The following MAPT variants were observed in gnomAD, a reference collection of about 807,000 sequenced individuals.
MAPT encodes microtubule-associated protein tau.
MAPT carries 34 observed loss-of-function variants against 67.9 expected under a neutral mutation model. The observed-to-expected ratio is 0.50, with a 90% confidence interval of 0.38 to 0.67. The LOEUF is 0.67. Ranked by LOEUF, MAPT falls within the 30% of genes least tolerant of loss-of-function variation. MAPT has a pLI of 0.00. For missense variants in MAPT, 881 were observed against 1,115.2 expected, an observed-to-expected ratio of 0.79 and a Z score of 2.99; for synonymous variants, 456 against 464.5, an observed-to-expected ratio of 0.98 and a Z score of 0.23.
chr17:45,957,856 GA>G (rs67811127), intron 1 of MAPT, among the ~76,000 whole-genome samples: 2,213 of 146,402 alleles, frequency 0.015, 44 homozygotes, highest in African/African-American at 0.048. Context: ...GAATTTGCAG[GA>G]AAAAAAAAAA....
At chr17:45,949,671 G>A (rs2068861880) in intron 1 of MAPT, among the ~76,000 whole-genome samples, 1 of 152,126 alleles carries the variant, frequency 6.6e-6, no homozygotes, top group South Asian at 2.1e-4. Flanking sequence ...GGCTCATCCT[G>A]AGGGCTGAAA....
At chr17:45,941,673 C>CCCTTCCCT (rs1568207337) in intron 1 of MAPT, among the ~76,000 whole-genome samples, 1 of 28,502 alleles carries the variant, frequency 3.5e-5, no homozygotes, top group Non-Finnish European at 7.7e-5. Context: ...CCCCCTTCCC[C>CCCTTCCCT]CCTTCCCTCC....
chr17:45,990,872 C>T (rs62063795), intron 7 of MAPT, among the ~76,000 whole-genome samples: 22,058 of 152,174 alleles, frequency 0.14, 2,140 homozygotes, highest in Non-Finnish European at 0.22. Flanking sequence ...GTGCCATGCC[C>T]GACTCTGCCA....
intron 9 of MAPT, among the ~76,000 whole-genome samples, chr17:46,000,064 C>T (rs918669177): frequency 1.3e-5 from 2 of 152,136 alleles, no homozygotes; most frequent in Non-Finnish European, 2.9e-5. Flanking sequence ...CATGTAGTAC[C>T]CAGTATGCAG....
chr17:45,905,771 C>T (rs1042491936), intron 1 of MAPT, among the ~76,000 whole-genome samples: 1 of 152,316 alleles, frequency 6.6e-6, no homozygotes, highest in African/African-American at 2.4e-5. Context: ...TGTCTTCCCC[C>T]TCAGAATGGA....
intron 1 of MAPT, among the ~76,000 whole-genome samples, chr17:45,954,971 C>T (rs539590134): frequency 6.6e-6 from 1 of 152,020 alleles, no homozygotes; most frequent in Non-Finnish European, 1.5e-5. Flanking sequence ...GGCGAAAGAG[C>T]GAGACTCCGT....
At position 45,983,208 on chromosome 17, in the gene MAPT, G is replaced by C. The variant is rs371983180; in HGVS notation, c.629G>C (p.Gly210Ala). Residue 210 changes from glycine (G) to alanine (A), a missense_variant, in exon 5 of 13, where the codon GGC becomes GCC. This residue lies in a region of MAPT where 687 missense variants were observed against 766.1 expected (regional missense o/e 0.90). Coordinates refer to ENST00000262410, the MANE Select transcript of MAPT (RefSeq NM_001377265.1). ...EPESGKVVQE[G>A]FLREPGPPGL... Reference sequence around the variant, plus strand: ...GAAAGTGGTAAGGTGGTCCAGGAAGGCTTCCTCCGAGAGCCAGGCCCCCCA... The same window carrying C: ...GAAAGTGGTAAGGTGGTCCAGGAAGCCTTCCTCCGAGAGCCAGGCCCCCCA... The C allele has an allele frequency of 3.7e-6, 6 of 1,608,330 alleles. No individual in the cohort carries two copies. The highest frequency in any genetic ancestry group is 1.1e-5 in the South Asian group (1 of 89,926).
At position 45,991,542 on chromosome 17, in the gene MAPT, T is replaced by C. The variant is rs1555711476; in HGVS notation, c.1688T>C (p.Ile563Thr). 1.2e-6 allele frequency: 2 copies of C among 1,614,048 alleles called. No individual in the cohort carries two copies. Among genetic ancestry groups the C allele is most frequent in the Non-Finnish European group, 1.7e-6 (2 of 1,180,036 alleles). The change falls in exon 8 of 13, where the codon ATT (isoleucine) becomes ACT (threonine). Residue 563 changes from isoleucine (I) to threonine (T), a missense_variant. Physicochemically the swap from Ile to Thr is moderately conservative, Grantham distance 89. Coordinates refer to ENST00000262410, the MANE Select transcript of MAPT (RefSeq NM_001377265.1). Reference sequence around the variant, plus strand: ...AAGGGCCAGGCCAACGCCACCAGGATTCCAGCAAAAACCCCGCCCGCTCCA... The same window carrying C: ...AAGGGCCAGGCCAACGCCACCAGGACTCCAGCAAAAACCCCGCCCGCTCCA... The part of the protein sequence containing the change: ...GQKGQANATR[I>T]PAKTPPAPKT...
At chr17:45,979,582 G>C (rs2072739687) in intron 4 of MAPT, 1 of 152,184 alleles carries the variant, frequency 6.6e-6, no homozygotes, top group Non-Finnish European at 1.5e-5. Context: ...TCGTTCTCAG[G>C]CTAACAAAGA....
chr17:45,899,617 G>A (rs547506163), intron 1 of MAPT, among the ~76,000 whole-genome samples: 3 of 152,252 alleles, frequency 2.0e-5, no homozygotes, highest in African/African-American at 7.2e-5. Context: ...GGACTAGTCT[G>A]GGAACCCAGA....
rs774040384 is a variant in MAPT, at chr17:45,983,906, G to A, written c.1327G>A (p.Val443Ile). 5.7e-6 allele frequency: 9 copies of A among 1,577,992 alleles called. No individual in the cohort carries two copies. Among genetic ancestry groups the A allele is most frequent in the East Asian group, 2.2e-5 (1 of 44,590 alleles). The change falls in exon 5 of 13, where the codon GTC becomes ATC. Residue 443 changes from valine (V) to isoleucine (I), a missense_variant. This residue lies in a region of MAPT where 687 missense variants were observed against 766.1 expected (regional missense o/e 0.90). Coordinates refer to ENST00000262410, the MANE Select transcript of MAPT (RefSeq NM_001377265.1). ...TGCTGCTGCTCCGCGGGGGAAGCCCGTCAGCCGGGTCCCTCAACTCAAAGG... is the reference window on the plus strand; with the variant it reads ...TGCTGCTGCTCCGCGGGGGAAGCCCATCAGCCGGGTCCCTCAACTCAAAGG... ...QPAAAPRGKPVSRVPQLKARM... is the reference protein window; with the variant it reads ...QPAAAPRGKPISRVPQLKARM...
intron 2 of MAPT, among the ~76,000 whole-genome samples, chr17:45,970,763 G>A (rs2071578795): frequency 5.3e-5 from 8 of 152,196 alleles, no homozygotes; most frequent in Admixed American, 5.2e-4. Context: ...TTGCCCCTTG[G>A]TCCCATGCTC....
rs951628070 is a variant in MAPT, at chr17:46,026,903, T to G, written c.*2732T>G. 6.8e-6 allele frequency: 1 copy of G among 147,336 alleles called. No homozygotes were observed. Among genetic ancestry groups the G allele is most frequent in the Non-Finnish European group, 1.5e-5 (1 of 64,618 alleles). 9.1% of individuals were successfully genotyped at this position (147,336 alleles called of 1,614,324 possible). On this transcript the variant is annotated 3_prime_UTR_variant, in exon 13 of 13. Coordinates refer to ENST00000262410, the MANE Select transcript of MAPT (RefSeq NM_001377265.1). ...GTTTGGGTACAGTTAAAGGCAACCC[T>G]GAGGGACTTGGCAGTAGAAATCCAG...
Position 46,023,941 on chromosome 17 carries a change from T to C in MAPT, c.2287-15T>C, listed in dbSNP as rs2076686164. ...GGCACTTCATCTCACCCTCCCTCCC[T>C]TCCTCTTCTTGCAGATTGAAACCCA... On this transcript the variant is annotated splice_polypyrimidine_tract_variant and intron_variant, in intron 12 of 12. Transcript: ENST00000262410. 1.2e-6 allele frequency: 2 copies of C among 1,611,792 alleles called. No individual in the cohort carries two copies. Among genetic ancestry groups the C allele is most frequent in the South Asian group, 1.1e-5 (1 of 91,052 alleles).
chr17:45,956,968 G>A (rs2069806334), intron 1 of MAPT, among the ~76,000 whole-genome samples: 1 of 151,866 alleles, frequency 6.6e-6, no homozygotes, highest in Non-Finnish European at 1.5e-5. Context: ...TGGTGTATAT[G>A]TGCCACATTT....
At chr17:46,023,842 AAAAC>A (rs1243344633) in intron 12 of MAPT, 110 bp from the exon 13 acceptor site, 15 of 877,478 alleles carry the variant, frequency 1.7e-5, no homozygotes, top group East Asian at 1.0e-4. Context: ...CCCTGTCTCA[AAAAC>A]AAACAAAAAA....
In MAPT at chr17:46,026,013, T is replaced by G. The variant is rs2076790614; in HGVS notation, c.*1842T>G. 6.6e-6 allele frequency: 1 copy of G among 150,442 alleles called. No individual in the cohort carries two copies. Among genetic ancestry groups the G allele is most frequent in the South Asian group, 2.1e-4 (1 of 4,756 alleles). 9.3% of individuals were successfully genotyped at this position (150,442 alleles called of 1,614,324 possible). On this transcript the variant is annotated 3_prime_UTR_variant, in exon 13 of 13. Coordinates refer to ENST00000262410, the MANE Select transcript of MAPT (RefSeq NM_001377265.1). ...CATAGATGTTGCCCTGCCCTCCCCA[T>G]CTGCACCCTGTTGAGTTGTAGTTGG...
chr17:45,909,401 T>C (rs1223646687), intron 1 of MAPT, among the ~76,000 whole-genome samples: 1 of 152,176 alleles, frequency 6.6e-6, no homozygotes, highest in Non-Finnish European at 1.5e-5. Flanking sequence ...TACACAAATA[T>C]TGATCCAATC....
At chr17:45,927,043 T>A (rs1311771615) in intron 1 of MAPT, among the ~76,000 whole-genome samples, 5 of 151,330 alleles carry the variant, frequency 3.3e-5, no homozygotes, top group African/African-American at 1.2e-4. Context: ...TTTTATATAA[T>A]TATATATGCA....
Sources: gnomAD v4.1 joint callset for allele counts (sites outside exome capture counted in the v4.1 genomes callset) on GRCh38, gnomAD v4.1.1 for gene constraint, gnomAD v4.1.1 regional missense constraint, MANE v1.5 for transcripts, NCBI Gene and HGNC (gene_info 2026-07-23, HGNC 2026-07-21) for gene names.